Variants in ZC3H12B observed in about 807,000 individuals in gnomAD.
ZC3H12B encodes the protein probable ribonuclease ZC3H12B.
ZC3H12B carries 7 observed loss-of-function variants against 43.9 expected under a neutral mutation model. The ratio of observed to expected loss-of-function variants is 0.16; its 90% confidence interval spans 0.09 to 0.30. ZC3H12B has a LOEUF of 0.30. ZC3H12B is among the 10% of genes least tolerant of loss of function. The probability of loss-of-function intolerance (pLI) is 1.00; values close to 1 mark genes in which losing one functional copy is unlikely to be tolerated. For missense variants in ZC3H12B, 475 were observed against 670.2 expected, an observed-to-expected ratio of 0.71 and a Z score of 3.22; for synonymous variants, 222 against 241.7, an observed-to-expected ratio of 0.92 and a Z score of 0.76.
At chrX:65,073,178 G>T in the ZC3H12B span, among the ~76,000 whole-genome samples, 4 of 112,617 alleles carry the variant, frequency 3.6e-5, no homozygotes, top group Non-Finnish European at 7.5e-5. Flanking sequence ...GCAGTGCAAG[G>T]TGTACATACA....
the ZC3H12B span, among the ~76,000 whole-genome samples, chrX:65,206,005 G>T: frequency 8.9e-6 from 1 of 111,897 alleles, no homozygotes; most frequent in East Asian, 2.8e-4. Context: ...ACTGCTGAAA[G>T]AAATCATAGA....
At chrX:65,156,564 A>G in the ZC3H12B span, among the ~76,000 whole-genome samples, 1 of 111,259 alleles carries the variant, frequency 9.0e-6, no homozygotes, top group Admixed American at 9.6e-5. Flanking sequence ...TATTTTTAGT[A>G]GAGACGGGGT....
chrX:65,194,065 A>G, the ZC3H12B span, among the ~76,000 whole-genome samples: 1 of 109,485 alleles, frequency 9.1e-6, no homozygotes, highest in Non-Finnish European at 1.9e-5. Flanking sequence ...GAGCAGTGGC[A>G]CGGGGGTAAT....
the ZC3H12B span, among the ~76,000 whole-genome samples, chrX:65,123,089 G>C: frequency 1.8e-5 from 2 of 112,210 alleles, no homozygotes; most frequent in Middle Eastern, 9.2e-3. Context: ...TTTTTATTTT[G>C]AGATACATCC....
At chrX:65,345,160 C>G in the ZC3H12B span, among the ~76,000 whole-genome samples, 1 of 112,185 alleles carries the variant, frequency 8.9e-6, no homozygotes, top group Non-Finnish European at 1.9e-5. Flanking sequence ...GAGCTAAAAA[C>G]AGTAATACCA....
intron 3 of ZC3H12B, among the ~76,000 whole-genome samples, chrX:65,427,803 C>T (rs2148100508): frequency 8.9e-6 from 1 of 111,998 alleles, no homozygotes; most frequent in South Asian, 3.8e-4. Context: ...TTGATTCTGT[C>T]ATCATGATTC....
the ZC3H12B span, among the ~76,000 whole-genome samples, chrX:65,147,917 GC>G: frequency 5.4e-5 from 6 of 110,254 alleles, no homozygotes; most frequent in African/African-American, 2.0e-4. Flanking sequence ...CCTGGGGGGA[GC>G]TTGCCAGTTG....
intron 2 of ZC3H12B, among the ~76,000 whole-genome samples, chrX:65,385,117 G>A (rs1033882419): frequency 1.8e-5 from 2 of 112,193 alleles, no homozygotes; most frequent in Non-Finnish European, 3.8e-5. Context: ...GATTAGGATT[G>A]TCTTGGCAAT....
the ZC3H12B span, among the ~76,000 whole-genome samples, chrX:65,115,300 G>C: frequency 9.1e-6 from 1 of 109,867 alleles, no homozygotes; most frequent in Non-Finnish European, 1.9e-5. Flanking sequence ...AAAACATGAT[G>C]ATATTTGGTT....
the ZC3H12B span, among the ~76,000 whole-genome samples, chrX:65,078,634 T>C: frequency 1.8e-5 from 2 of 111,820 alleles, no homozygotes; most frequent in Admixed American, 1.9e-4. Flanking sequence ...CAGTGGAGGC[T>C]TGAAATCAAA....
chrX:65,227,079 A>AT, the ZC3H12B span, among the ~76,000 whole-genome samples: 15 of 111,245 alleles, frequency 1.3e-4, no homozygotes, highest in South Asian at 3.8e-4. Context: ...CATAATATAC[A>AT]TTTTTTTCAG....
chrX:65,160,321 G>T, the ZC3H12B span, among the ~76,000 whole-genome samples: 15 of 111,857 alleles, frequency 1.3e-4, no homozygotes, highest in Admixed American at 6.7e-4. Context: ...GATTGGAATA[G>T]TTTCAGAAGG....
At chrX:65,449,628 A>G (rs758378946) in intron 3 of ZC3H12B, among the ~76,000 whole-genome samples, 1 of 108,768 alleles carries the variant, frequency 9.2e-6, no homozygotes, top group African/African-American at 3.4e-5. Flanking sequence ...CAAAAGAATT[A>G]AAAAAAAAAT....
At chrX:65,174,859 G>T in the ZC3H12B span, among the ~76,000 whole-genome samples, 3 of 110,382 alleles carry the variant, frequency 2.7e-5, no homozygotes, top group Non-Finnish European at 3.8e-5. Flanking sequence ...CCTGCCTTCA[G>T]CCTCATTTCC....
the ZC3H12B span, among the ~76,000 whole-genome samples, chrX:65,181,117 G>T: frequency 9.0e-6 from 1 of 111,147 alleles, no homozygotes; most frequent in Non-Finnish European, 1.9e-5. Context: ...CAATGATTTG[G>T]TCTTCGAAAA....
the ZC3H12B span, among the ~76,000 whole-genome samples, chrX:65,215,856 A>G: frequency 9.0e-6 from 1 of 111,598 alleles, no homozygotes; most frequent in African/African-American, 3.3e-5. Flanking sequence ...TTGAACACTT[A>G]GAGGCTGTTA....
At chrX:65,087,831 C>G in the ZC3H12B span, among the ~76,000 whole-genome samples, 17 of 112,041 alleles carry the variant, frequency 1.5e-4, no homozygotes, top group African/African-American at 4.9e-4. Context: ...AAATACTACT[C>G]TTAGCTCAAA....
the ZC3H12B span, among the ~76,000 whole-genome samples, chrX:65,189,042 C>T: frequency 1.0e-5 from 1 of 97,587 alleles, no homozygotes; most frequent in Non-Finnish European, 2.0e-5. Context: ...TGAGAATATG[C>T]GGTGTTTGGT....
At chrX:65,204,767 C>T in the ZC3H12B span, among the ~76,000 whole-genome samples, 1 of 111,951 alleles carries the variant, frequency 8.9e-6, no homozygotes, top group Non-Finnish European at 1.9e-5. Context: ...TCTTAAAAAC[C>T]TCACATATTT....
Sources: gnomAD v4.1 joint callset for allele counts (sites outside exome capture counted in the v4.1 genomes callset) on GRCh38, gnomAD v4.1.1 for gene constraint, MANE v1.5 for transcripts, NCBI Gene and HGNC (gene_info 2026-07-23, HGNC 2026-07-21) for gene names.